PRAMEF17: variants seen among roughly 807,000 people sequenced by gnomAD.
PRAMEF17 encodes the protein PRAME family member 17.
Under a neutral mutation model 36.8 loss-of-function variants are expected in PRAMEF17, and 48 were observed. The ratio of observed to expected loss-of-function variants is 1.30; its 90% CI spans 1.03 to 1.66. The LOEUF (loss-of-function observed/expected upper bound fraction) is 1.66. Ranked by LOEUF, PRAMEF17 falls within the 40% of genes most tolerant of loss-of-function variation. The pLI, the probability that PRAMEF17 is intolerant of heterozygous loss-of-function variation, is 0.00. For synonymous variants in PRAMEF17, 246 were observed against 220.4 expected (o/e 1.12, Z -1.03); for missense variants, 639 against 560.6 (o/e 1.14, Z -1.41).
chr1:13,392,563 G>A lies in PRAMEF17; in HGVS notation c.*61G>A. ...CAGGACCCTTAGGCACTAAAATCTAGGACACAGGTGGGTTTTTTTGTTTTT... is the reference window on the plus strand; with the variant it reads ...CAGGACCCTTAGGCACTAAAATCTAAGACACAGGTGGGTTTTTTTGTTTTT... On this transcript the variant is annotated 3_prime_UTR_variant, in exon 3 of 3. Coordinates refer to ENST00000376098, the MANE Select transcript of PRAMEF17 (RefSeq NM_001099851.3). The A allele has an allele frequency of 6.3e-7, 1 of 1,588,762 alleles. No individual in the cohort carries two copies. The highest frequency in any genetic ancestry group is 8.5e-7 in the Non-Finnish European group (1 of 1,172,412).
In PRAMEF17 at chr1:13,392,589, T is replaced by G; in HGVS notation, c.*87T>G. ...GACACAGGTGGGTTTTTTTGTTTTT[T>G]TGTTTTTTTTTTGATGGAGTCTCGC... On this transcript the variant is annotated 3_prime_UTR_variant, in exon 3 of 3. Coordinates refer to ENST00000376098, the MANE Select transcript of PRAMEF17 (RefSeq NM_001099851.3). 1 of 1,567,576 alleles carries G rather than the reference T, an allele frequency of 6.4e-7. No homozygotes were observed. The highest frequency in any genetic ancestry group is 1.2e-5 in the South Asian group (1 of 84,602).
chr1:13,390,952 C>T, intron 2 of PRAMEF17, 33 bp downstream of exon 2: 1 of 1,611,612 alleles, frequency 6.2e-7, no homozygotes, highest in Non-Finnish European at 8.5e-7. Flanking sequence ...CTCTGCAGAC[C>T]ATACCACAGA....
chr1:13,392,597 T>TTTG lies in PRAMEF17; in HGVS notation c.*97_*98insGTT. ...TGGGTTTTTTTGTTTTTTTGTTTTT[T>TTTG]TTTTGATGGAGTCTCGCTCTGTCCC... On this transcript the variant is annotated 3_prime_UTR_variant, in exon 3 of 3. Transcript: ENST00000376098. 2 of 1,548,256 alleles carry TTTG rather than the reference T, an allele frequency of 1.3e-6. No homozygotes were observed. Among genetic ancestry groups the TTTG allele is most frequent in the Non-Finnish European group, 1.8e-6 (2 of 1,142,776 alleles).
chr1:13,392,377 C>T lies in PRAMEF17; in HGVS notation c.1300C>T (p.Arg434Trp), dbSNP rs1232610838. 7.4e-6 allele frequency: 12 copies of T among 1,611,840 alleles called. No homozygotes were observed. The highest frequency in any genetic ancestry group is 2.2e-5 in the East Asian group (1 of 44,882). ...CAATTGGGAGATCCTCGCCCCAATT[C>T]GGGCTGAGCTGATGTGTACACTCAG... Reference protein sequence around the residue: ...HVNWEILAPIRAELMCTLREV... With the variant: ...HVNWEILAPIWAELMCTLREV... The change falls in exon 3 of 3, where the codon CGG (arginine) becomes TGG (tryptophan). Residue 434 changes from arginine (R) to tryptophan (W), a missense_variant. By Grantham distance (101) the Arg-to-Trp change is moderately radical. Transcript: ENST00000376098.
In PRAMEF17 at chr1:13,392,540, G is replaced by A; in HGVS notation, c.*38G>A. 6.2e-7 allele frequency: 1 copy of A among 1,611,672 alleles called. No individual in the cohort carries two copies. Among genetic ancestry groups the A allele is most frequent in the Non-Finnish European group, 8.5e-7 (1 of 1,179,754 alleles). Reference sequence around the variant, plus strand: ...TAGTGGGATGGATATGCTTTCTTCAGGACCCTTAGGCACTAAAATCTAGGA... The same window carrying A: ...TAGTGGGATGGATATGCTTTCTTCAAGACCCTTAGGCACTAAAATCTAGGA... On this transcript the variant is annotated 3_prime_UTR_variant, in exon 3 of 3. Transcript: ENST00000376098.
In PRAMEF17 at chr1:13,390,738, A is replaced by T. The variant is rs1640869318; in HGVS notation, c.685A>T (p.Ser229Cys). The T allele has an allele frequency of 1.2e-5, 19 of 1,611,924 alleles. No individual in the cohort carries two copies. The highest frequency in any genetic ancestry group is 1.4e-5 in the Non-Finnish European group (16 of 1,179,870). ...AACAGGAAAGTTTGCCCCTTACTTG[A>T]GCCAGATGAGCAATCTTCGCAAACT... ...NKTGKFAPYL[S>C]QMSNLRKLFL... Residue 229 changes from serine to cysteine, a missense_variant, in exon 2 of 3, where the codon AGC becomes TGC. Ser to Cys is a moderately radical substitution (Grantham distance 112). Transcript: ENST00000376098.
intron 2 of PRAMEF17, 32 bp downstream of exon 2, chr1:13,390,951 C>G (rs1640872657): frequency 1.4e-5 from 22 of 1,611,548 alleles, no homozygotes; most frequent in Non-Finnish European, 1.9e-5. Flanking sequence ...TCTCTGCAGA[C>G]CATACCACAG....
chr1:13,391,825 G>C, intron 2 of PRAMEF17, 119 bp from the exon 3 acceptor site: 1 of 1,441,484 alleles, frequency 6.9e-7, no homozygotes, highest in Non-Finnish European at 9.6e-7. Context: ...TACAACACCT[G>C]TGTGGTAGTA....
chr1:13,391,843 G>A, intron 2 of PRAMEF17, 101 bp from the exon 3 acceptor site: 2 of 1,527,800 alleles, frequency 1.3e-6, no homozygotes, highest in South Asian at 1.2e-5. Context: ...GTAAGGTGCA[G>A]AATTACTCAA....
Position 13,392,142 on chromosome 1 carries a change from G to C in PRAMEF17, c.1065G>C (p.Thr355=), listed in dbSNP as rs61753414. The stretch of plus-strand genomic sequence containing the variant: ...TTGCTGCTACTCTCGAGATCCTCAC[G>C]TTAAAGGACTGTCAGATCCAGGACT... ...EKVAATLEIL[T]LKDCQIQDSQ... The change falls in exon 3 of 3, where the codon ACG becomes ACC. Residue 355 remains threonine, a synonymous_variant. Coordinates refer to ENST00000376098, the MANE Select transcript of PRAMEF17 (RefSeq NM_001099851.3). The C allele has an allele frequency of 2.7e-5, 44 of 1,611,678 alleles. No individual in the cohort carries two copies. Among genetic ancestry groups the C allele is most frequent in the Non-Finnish European group, 3.3e-5 (39 of 1,179,804 alleles).
Position 13,392,227 on chromosome 1 carries a change from T to G in PRAMEF17, c.1150T>G (p.Phe384Val), listed in dbSNP as rs750048512. 2 of 1,611,986 alleles carry G rather than the reference T, an allele frequency of 1.2e-6. No homozygotes were observed. The highest frequency in any genetic ancestry group is 1.1e-5 in the South Asian group (1 of 90,982). ...SRCSQLTTFY[F>V]RGNETSTNAL... ...CTGCTCCCAGCTCACCACCTTCTAC[T>G]TTCGCGGAAATGAGACCTCCACGAA... The change falls in exon 3 of 3, where the codon TTT (phenylalanine) becomes GTT (valine). Residue 384 changes from phenylalanine (F) to valine (V), a missense_variant. Physicochemically the swap from Phe to Val is conservative, Grantham distance 50. Coordinates refer to ENST00000376098, the MANE Select transcript of PRAMEF17 (RefSeq NM_001099851.3).
At position 13,392,496 on chromosome 1, in the gene PRAMEF17, C is replaced by T. The variant is rs780592066; in HGVS notation, c.1419C>T (p.Cys473=). Reference sequence around the variant, plus strand: ...CTGAGAAAGTGGACTTCCATCTTTGCTCTTAGTGAAGGCCTGATTAGTGGG... The same window carrying T: ...CTGAGAAAGTGGACTTCCATCTTTGTTCTTAGTGAAGGCCTGATTAGTGGG... ...WPSEKVDFHL[C]S Residue 473 remains cysteine (C), a synonymous_variant, in exon 3 of 3, where the codon TGC becomes TGT. Coordinates refer to ENST00000376098, the MANE Select transcript of PRAMEF17 (RefSeq NM_001099851.3). 6.2e-7 allele frequency: 1 copy of T among 1,612,012 alleles called. No individual in the cohort carries two copies. Among genetic ancestry groups the T allele is most frequent in the Admixed American group, 1.7e-5 (1 of 60,006 alleles).
Position 13,389,829 on chromosome 1 carries a change from G to C in PRAMEF17, c.172G>C (p.Ala58Pro). Residue 58 changes from alanine (A) to proline (P), a missense_variant, in exon 1 of 3, where the codon GCC (alanine) becomes CCC (proline). Ala to Pro is a conservative substitution (Grantham distance 27). Coordinates refer to ENST00000376098, the MANE Select transcript of PRAMEF17 (RefSeq NM_001099851.3). ...TGAGGCCCTGAAGCTGATGGTGCAG[G>C]CCTGGCCCTTCCTCCGCCTCCCTCT... The part of the protein sequence containing the change: ...HFEALKLMVQ[A>P]WPFLRLPLGS... 1 of 1,613,534 alleles carries C rather than the reference G, an allele frequency of 6.2e-7. No homozygotes were observed. Among genetic ancestry groups the C allele is most frequent in the South Asian group, 1.1e-5 (1 of 91,048 alleles).
chr1:13,392,492 T>C lies in PRAMEF17; in HGVS notation c.1415T>C (p.Leu472Pro), dbSNP rs1243948691. The change falls in exon 3 of 3, where the codon CTT becomes CCT. Residue 472 changes from leucine to proline, a missense_variant. Coordinates refer to ENST00000376098, the MANE Select transcript of PRAMEF17 (RefSeq NM_001099851.3). Reference sequence around the variant, plus strand: ...CCATCTGAGAAAGTGGACTTCCATCTTTGCTCTTAGTGAAGGCCTGATTAG... The same window carrying C: ...CCATCTGAGAAAGTGGACTTCCATCCTTGCTCTTAGTGAAGGCCTGATTAG... ...SWPSEKVDFH[L>P]CS is the part of the protein sequence containing the mutation. 6.2e-6 allele frequency: 10 copies of C among 1,612,034 alleles called. No individual in the cohort carries two copies. In the East Asian group the frequency reaches 1.8e-4, roughly 29 times the overall value.
rs1301185962 is a variant in PRAMEF17, at chr1:13,392,092, C to T, written c.1015C>T (p.Pro339Ser). 2 of 1,611,892 alleles carry T rather than the reference C, an allele frequency of 1.2e-6. No homozygotes were observed. The highest frequency in any genetic ancestry group is 3.3e-5 in the Admixed American group (2 of 59,994). ...HILMWTTNLEPLGALLEKVAA... is the reference protein window; with the variant it reads ...HILMWTTNLESLGALLEKVAA... The stretch of plus-strand genomic sequence containing the variant: ...CCTAATGTGGACTACCAATCTTGAG[C>T]CCCTTGGAGCTCTGCTAGAGAAAGT... The change falls in exon 3 of 3, where the codon CCC becomes TCC. Residue 339 changes from proline (P) to serine (S), a missense_variant. Physicochemically the swap from Pro to Ser is moderately conservative, Grantham distance 74. Transcript: ENST00000376098.
At position 13,392,613 on chromosome 1, in the gene PRAMEF17, G is replaced by A. The variant is rs1277649604; in HGVS notation, c.*111G>A. The A allele has an allele frequency of 5.6e-5, 81 of 1,457,614 alleles. No individual in the cohort carries two copies. The Admixed American group carries it at 1.0e-3, about 18-fold the overall frequency. 90.3% of individuals were successfully genotyped at this position (1,457,614 alleles called of 1,614,324 possible). A position where few individuals can be genotyped will look rare whatever the true frequency, so the allele number is the denominator to read the frequency against. ...TTTGTTTTTTTTTTGATGGAGTCTC[G>A]CTCTGTCCCTCAGGCTAAAGTGCAG... On this transcript the variant is annotated 3_prime_UTR_variant, in exon 3 of 3. Coordinates refer to ENST00000376098, the MANE Select transcript of PRAMEF17 (RefSeq NM_001099851.3).
In PRAMEF17 at chr1:13,390,564, A is replaced by G; in HGVS notation, c.511A>G (p.Ile171Val). 6.2e-7 allele frequency: 1 copy of G among 1,611,978 alleles called. No homozygotes were observed. Among genetic ancestry groups the G allele is most frequent in the Non-Finnish European group, 8.5e-7 (1 of 1,179,860 alleles). The change falls in exon 2 of 3, where the codon ATC becomes GTC. Residue 171 changes from isoleucine (I) to valine (V), a missense_variant. Physicochemically the swap from Ile to Val is conservative, Grantham distance 29. Transcript: ENST00000376098. ...ATGCCTGAGCTACCTCTGCAGGTGG[A>G]TCCACTACAGAAGAGGTCTAGTGCA... ...DECLSYLCRW[I>V]HYRRGLVHLC...
At position 13,390,422 on chromosome 1, in the gene PRAMEF17, C is replaced by T; in HGVS notation, c.369C>T (p.Ser123=). ...WTIWSGARAL[S]CSPEAMSKRQ... ...TATGGTCTGGAGCCAGGGCCCTCTC[C>T]TGCTCCCCAGAGGCCATGAGTAAGA... The change falls in exon 2 of 3, where the codon TCC becomes TCT. Residue 123 remains serine (S), a synonymous_variant. Coordinates refer to ENST00000376098, the MANE Select transcript of PRAMEF17 (RefSeq NM_001099851.3). 1 of 1,611,986 alleles carries T rather than the reference C, an allele frequency of 6.2e-7. No homozygotes were observed. Among genetic ancestry groups the T allele is most frequent in the Non-Finnish European group, 8.5e-7 (1 of 1,179,844 alleles).
At chr1:13,391,904 C>T in intron 2 of PRAMEF17, 40 bp from the exon 3 acceptor site, 1 of 1,604,742 alleles carries the variant, frequency 6.2e-7, no homozygotes, top group Non-Finnish European at 8.5e-7. Flanking sequence ...CCTCCTCCAA[C>T]TGGCACCATT....
Sources: allele counts gnomAD v4.1 joint callset, GRCh38; gene constraint gnomAD v4.1.1; transcripts MANE v1.5; gene names NCBI Gene and HGNC (gene_info 2026-07-23, HGNC 2026-07-21).